FAT3: variants seen among roughly 807,000 people sequenced by gnomAD.
FAT3 encodes FAT atypical cadherin 3, also known as protocadherin Fat 3.
Under a neutral mutation model 310.2 loss-of-function variants are expected in FAT3, and 95 were observed. The observed-to-expected ratio is 0.31, with a 90% confidence interval of 0.26 to 0.36. The LOEUF is 0.36. Among genes scored for constraint, FAT3 ranks in the 10% least tolerant of loss-of-function variants. The probability of loss-of-function intolerance (pLI) is 1.00; values close to 1 mark genes in which losing one functional copy is unlikely to be tolerated. For missense variants in FAT3, 5,408 were observed against 5,715.6 expected, an observed-to-expected ratio of 0.95 and a Z score of 1.74; for synonymous variants, 2,314 against 2,192.9, an observed-to-expected ratio of 1.06 and a Z score of -1.54.
chr11:92,866,068 G>A (rs565159690), intron 21 of FAT3, among the ~76,000 whole-genome samples: 1 of 152,306 alleles, frequency 6.6e-6, no homozygotes, highest in African/African-American at 2.4e-5. Context: ...CCTATTTTAA[G>A]AATATGCTAG....
At chr11:92,470,991 A>G (rs1336015219) in intron 2 of FAT3, among the ~76,000 whole-genome samples, 1 of 152,148 alleles carries the variant, frequency 6.6e-6, no homozygotes, top group Non-Finnish European at 1.5e-5. Flanking sequence ...ATTTTTTGCA[A>G]CCTGCTTTTT....
intron 3 of FAT3, among the ~76,000 whole-genome samples, chr11:92,542,237 G>A (rs571251): frequency 0.56 from 84,412 of 151,766 alleles, 23,933 homozygotes; most frequent in East Asian, 0.77. Context: ...TAAAAATACT[G>A]AAAGAAAACA....
intron 24 of FAT3, among the ~76,000 whole-genome samples, chr11:92,885,996 C>T (rs778069245): frequency 3.3e-5 from 5 of 152,130 alleles, no homozygotes; most frequent in Admixed American, 6.5e-5. Context: ...ATTTCTGTGG[C>T]CACGGAGAGG....
At chr11:92,306,216 A>G (rs1486293493) in intron 1 of FAT3, among the ~76,000 whole-genome samples, 2 of 151,888 alleles carry the variant, frequency 1.3e-5, no homozygotes, top group African/African-American at 4.8e-5. Context: ...CTTTGCTGGT[A>G]TCATTTTACT....
chr11:92,301,101 A>G (rs929647254), intron 1 of FAT3, among the ~76,000 whole-genome samples: 2 of 152,094 alleles, frequency 1.3e-5, no homozygotes, highest in Non-Finnish European at 2.9e-5. Context: ...GGTGACGGGC[A>G]GCATGGGGTC....
intron 2 of FAT3, among the ~76,000 whole-genome samples, chr11:92,368,418 T>G (rs1949082786): frequency 6.6e-6 from 1 of 152,202 alleles, no homozygotes; most frequent in South Asian, 2.1e-4. Context: ...TGCAAGTCTG[T>G]GTTCCATAAA....
chr11:92,478,957 C>CTTTCTTTCTTTCTTTCTT (rs1952133753), intron 2 of FAT3, among the ~76,000 whole-genome samples: 2 of 82,604 alleles, frequency 2.4e-5, no homozygotes, highest in Admixed American at 2.4e-4. Flanking sequence ...TCTTTCTTTT[C>CTTTCTTTCTTTCTTTCTT]TTTTCTTTTC....
chr11:92,534,105 G>A (rs1301059824), intron 3 of FAT3, among the ~76,000 whole-genome samples: 1 of 152,066 alleles, frequency 6.6e-6, no homozygotes. Flanking sequence ...TCCATTCTTG[G>A]ATGCCATTGT....
chr11:92,685,272 G>A (rs1399538399), intron 3 of FAT3, among the ~76,000 whole-genome samples: 1 of 152,096 alleles, frequency 6.6e-6, no homozygotes, highest in Non-Finnish European at 1.5e-5. Flanking sequence ...ATTAGCACTG[G>A]CAATCTGCCA....
intron 21 of FAT3, among the ~76,000 whole-genome samples, chr11:92,865,313 A>G (rs544627050): frequency 5.3e-4 from 80 of 152,370 alleles, no homozygotes; most frequent in Non-Finnish European, 9.7e-4. Flanking sequence ...GAATAGGTCT[A>G]TTATGAGTTA....
chr11:92,245,804 T>G (rs1864879484), intron 1 of FAT3, among the ~76,000 whole-genome samples: 1 of 152,144 alleles, frequency 6.6e-6, no homozygotes, highest in Non-Finnish European at 1.5e-5. Context: ...TTGCAACCCC[T>G]GCTTTAGAGT....
intron 2 of FAT3, among the ~76,000 whole-genome samples, chr11:92,419,266 T>C (rs1386515070): frequency 6.6e-6 from 1 of 152,222 alleles, no homozygotes; most frequent in Non-Finnish European, 1.5e-5. Flanking sequence ...TGCTATTAAC[T>C]TTTAATGTTT....
At chr11:92,857,124 G>T in intron 19 of FAT3, 90 bp from the exon 20 acceptor site, 1 of 1,589,500 alleles carries the variant, frequency 6.3e-7, no homozygotes, top group Non-Finnish European at 8.6e-7. Context: ...TGAGCCATTT[G>T]TGTGTTCCCT....
At chr11:92,707,780 A>T (rs1175337615) in intron 4 of FAT3, among the ~76,000 whole-genome samples, 1 of 152,170 alleles carries the variant, frequency 6.6e-6, no homozygotes, top group African/African-American at 2.4e-5. Flanking sequence ...GTCTAATTTT[A>T]TCGAGGCCTT....
At chr11:92,405,292 T>C (rs1591239385) in intron 2 of FAT3, among the ~76,000 whole-genome samples, 1 of 152,318 alleles carries the variant, frequency 6.6e-6, no homozygotes, top group African/African-American at 2.4e-5. Context: ...ACAGGCATCA[T>C]GGAGGGTGCA....
At chr11:92,788,387 C>T (rs778226275) in intron 7 of FAT3, among the ~76,000 whole-genome samples, 8 of 152,056 alleles carry the variant, frequency 5.3e-5, no homozygotes, top group Non-Finnish European at 8.8e-5. Flanking sequence ...GCTAAGGAAC[C>T]AACTCACTAT....
At chr11:92,414,331 A>G (rs1478084076) in intron 2 of FAT3, among the ~76,000 whole-genome samples, 1 of 152,300 alleles carries the variant, frequency 6.6e-6, no homozygotes, top group East Asian at 1.9e-4. Flanking sequence ...AGAACAATTG[A>G]CAGTTTGATG....
intron 1 of FAT3, among the ~76,000 whole-genome samples, chr11:92,255,581 G>C (rs569404085): frequency 2.6e-5 from 4 of 152,068 alleles, no homozygotes; most frequent in African/African-American, 9.7e-5. Flanking sequence ...TATTAAGGAG[G>C]CATTCTAATA....
chr11:92,711,600 A>G (rs1189783976), intron 4 of FAT3, among the ~76,000 whole-genome samples: 1 of 152,224 alleles, frequency 6.6e-6, no homozygotes, highest in African/African-American at 2.4e-5. Flanking sequence ...ATGAACAAAA[A>G]TCTATCCCTT....
Sources: gnomAD v4.1 joint callset for allele counts (sites outside exome capture counted in the v4.1 genomes callset) on GRCh38, gnomAD v4.1.1 for gene constraint, MANE v1.5 for transcripts, NCBI Gene and HGNC (gene_info 2026-07-23, HGNC 2026-07-21) for gene names.